CACNB4: variants seen among roughly 807,000 people sequenced by gnomAD.
CACNB4 encodes calcium voltage-gated channel auxiliary subunit beta 4.
In CACNB4, 32 loss-of-function variants were observed where a neutral mutation model predicts 71.2. The observed-to-expected ratio is 0.45, with a 90% CI of 0.34 to 0.60. The LOEUF is 0.60. CACNB4 is among the 20% of genes least tolerant of loss of function. The pLI, the probability that CACNB4 is intolerant of heterozygous loss-of-function variation, is 0.01. For missense variants in CACNB4, 464 were observed against 647.9 expected, an observed-to-expected ratio of 0.72 and a Z score of 3.08; for synonymous variants, 231 against 236.9, an observed-to-expected ratio of 0.97 and a Z score of 0.23.
intron 2 of CACNB4, among the ~76,000 whole-genome samples, chr2:152,004,085 G>A (rs777662103): frequency 9.9e-5 from 15 of 152,230 alleles, no homozygotes; most frequent in South Asian, 2.1e-4. Flanking sequence ...CTCCAAAAGC[G>A]CTGGGACTAT....
chr2:152,098,545 T>G lies in CACNB4; in HGVS notation c.64-132A>C. On this transcript the variant is annotated intron_variant, in intron 1 of 13. Transcript: ENST00000539935. This position sits in a 1 kb window ranked among gnomAD's most constrained non-coding sequence, Gnocchi z 5.3. ...CCCTAGAGCCCGCACCCAAGTCTCC[T>G]CCGCGACTCCCAAATACAGCCCCCA... is the stretch of plus-strand genomic sequence containing the variant. 1 of 1,369,772 alleles carries G rather than the reference T, an allele frequency of 7.3e-7. No homozygotes were observed. The highest frequency in any genetic ancestry group is 1.0e-6 in the Non-Finnish European group (1 of 976,580). The allele number at this position is 1,369,772 out of a possible 1,614,324, so 84.9% of individuals were successfully genotyped here.
At chr2:151,856,579 T>TG (rs1243000728) in intron 10 of CACNB4, 2 of 152,234 alleles carry the variant, frequency 1.3e-5, no homozygotes, top group Non-Finnish European at 2.9e-5. Flanking sequence ...CCCAAAGTGG[T>TG]GGGACTACAG....
chr2:151,977,497 C>T (rs938449546), intron 2 of CACNB4, among the ~76,000 whole-genome samples: 3 of 152,176 alleles, frequency 2.0e-5, no homozygotes, highest in African/African-American at 7.2e-5. Context: ...AGTCCCTTTT[C>T]CTTACCCGTG....
intron 2 of CACNB4, among the ~76,000 whole-genome samples, chr2:152,022,316 A>C (rs751952411): frequency 3.3e-5 from 5 of 152,226 alleles, no homozygotes; most frequent in Non-Finnish European, 7.3e-5. Context: ...GCCCGTAGCC[A>C]TCAAGGAGAA....
chr2:151,877,805 A>G (rs2099846834), intron 4 of CACNB4, among the ~76,000 whole-genome samples: 1 of 152,240 alleles, frequency 6.6e-6, no homozygotes, highest in Non-Finnish European at 1.5e-5. Context: ...AAGTTCCATG[A>G]CAAGCAAACT....
chr2:151,904,997 C>T lies in CACNB4; in HGVS notation c.148-21627G>A, dbSNP rs193267529. On this transcript the variant is annotated intron_variant, in intron 2 of 13. Coordinates refer to ENST00000539935, the MANE Select transcript of CACNB4 (RefSeq NM_000726.5). ...ATGCATAGTTTTTCAAAAAGAAGAA[C>T]TAGAATGCTATCATTTCCCCTCATC... Among the ~76,000 whole-genome samples, 14 of 152,234 alleles carry T rather than the reference C, an allele frequency of 9.2e-5. No homozygotes were observed. The East Asian group carries it at 2.7e-3, about 29-fold the overall frequency.
chr2:152,015,339 G>C (rs1223885273), intron 2 of CACNB4, among the ~76,000 whole-genome samples: 2 of 151,960 alleles, frequency 1.3e-5, no homozygotes, highest in Non-Finnish European at 2.9e-5. Flanking sequence ...CACTATGTTG[G>C]CCAGGCTGGT....
chr2:152,029,508 AAAAG>A (rs200641116), intron 2 of CACNB4, among the ~76,000 whole-genome samples: 164 of 19,168 alleles, frequency 8.6e-3, no homozygotes, highest in African/African-American at 0.026. Flanking sequence ...AAAAAAAAAA[AAAAG>A]AAAAGAAAAG....
At chr2:151,875,862 C>T (rs1374325707) in intron 5 of CACNB4, among the ~76,000 whole-genome samples, 1 of 145,398 alleles carries the variant, frequency 6.9e-6, no homozygotes, top group Non-Finnish European at 1.5e-5. Flanking sequence ...CCCCCATCTC[C>T]CTCCCGGACG....
chr2:151,995,373 A>T (rs528024131), intron 2 of CACNB4, among the ~76,000 whole-genome samples: 5 of 152,374 alleles, frequency 3.3e-5, no homozygotes, highest in Non-Finnish European at 5.9e-5. Context: ...CCTTTCAGTC[A>T]TGTGCTTAGC....
chr2:152,058,399 T>G (rs1410085327), intron 2 of CACNB4, among the ~76,000 whole-genome samples: 3 of 152,334 alleles, frequency 2.0e-5, no homozygotes, highest in East Asian at 3.9e-4. Context: ...GATTTGAAAC[T>G]TCCTAGAAAC....
chr2:151,931,332 G>A (rs1022029278), intron 2 of CACNB4, among the ~76,000 whole-genome samples: 4 of 152,122 alleles, frequency 2.6e-5, no homozygotes, highest in Non-Finnish European at 4.4e-5. Flanking sequence ...ACTAAGCCCC[G>A]AAGTTGCCCT....
chr2:151,982,429 T>C (rs576558329), intron 2 of CACNB4, among the ~76,000 whole-genome samples: 51 of 151,996 alleles, frequency 3.4e-4, no homozygotes, highest in South Asian at 1.7e-3. Flanking sequence ...GTCAGGAGAT[T>C]TAGACCATCC....
chr2:152,081,566 C>T (rs372581821), intron 2 of CACNB4, among the ~76,000 whole-genome samples: 1 of 152,244 alleles, frequency 6.6e-6, no homozygotes, highest in East Asian at 1.9e-4. Context: ...CAGACAGCCA[C>T]CCTCTAGCTA....
intron 2 of CACNB4, among the ~76,000 whole-genome samples, chr2:152,084,135 AG>A (rs1323623894): frequency 6.6e-6 from 1 of 152,172 alleles, no homozygotes; most frequent in African/African-American, 2.4e-5. Flanking sequence ...AGCAGGTTTT[AG>A]GTGCAGTTCG....
chr2:152,004,032 C>G (rs1020038139), intron 2 of CACNB4, among the ~76,000 whole-genome samples: 1 of 152,072 alleles, frequency 6.6e-6, no homozygotes, highest in African/African-American at 2.4e-5. Flanking sequence ...GTTACCCAGG[C>G]TGGTCTTGAA....
At chr2:151,953,278 C>T (rs1477183055) in intron 2 of CACNB4, among the ~76,000 whole-genome samples, 1 of 151,972 alleles carries the variant, frequency 6.6e-6, no homozygotes, top group Non-Finnish European at 1.5e-5. Context: ...GGTGTGGGTC[C>T]CACGGCCATG....
chr2:152,068,262 G>A (rs913173217), intron 2 of CACNB4, among the ~76,000 whole-genome samples: 2 of 152,126 alleles, frequency 1.3e-5, no homozygotes, highest in East Asian at 1.9e-4. Context: ...TCTTGCTAGA[G>A]GAGAGCAATA....
At chr2:152,067,067 C>T (rs1475446678) in intron 2 of CACNB4, among the ~76,000 whole-genome samples, 5 of 149,988 alleles carry the variant, frequency 3.3e-5, no homozygotes, top group South Asian at 4.3e-4. Flanking sequence ...GTGGGTGCAG[C>T]GCACCAGCAT....
Sources: allele counts gnomAD v4.1 joint callset (sites outside exome capture counted in the v4.1 genomes callset), GRCh38; gene constraint gnomAD v4.1.1; non-coding constraint Gnocchi (gnomAD v3.1); transcripts MANE v1.5; gene names NCBI Gene and HGNC (gene_info 2026-07-23, HGNC 2026-07-21).